Variants in TRIO observed in about 807,000 individuals in gnomAD.
TRIO encodes trio Rho guanine nucleotide exchange factor.
Under a neutral mutation model 351.9 loss-of-function variants are expected in TRIO, and 58 were observed. That is an observed-to-expected ratio of 0.16 (90% CI 0.13 to 0.21). TRIO has a LOEUF of 0.21. TRIO is among the 10% of genes least tolerant of loss of function. The pLI is 1.00. For missense variants in TRIO, 3,201 were observed against 4,027.8 expected (o/e 0.79, Z 5.56); for synonymous variants, 1,758 against 1,595.7 (o/e 1.10, Z -2.42).
At chr5:14,400,382 C>G (rs926142112) in intron 30 of TRIO, among the ~76,000 whole-genome samples, 1 of 151,954 alleles carries the variant, frequency 6.6e-6, no homozygotes, top group Admixed American at 6.6e-5. Flanking sequence ...TCAGGGGGAC[C>G]TTGACTGTGG....
chr5:14,380,461 C>T (rs558494318), intron 20 of TRIO, among the ~76,000 whole-genome samples: 1 of 152,302 alleles, frequency 6.6e-6, no homozygotes, highest in African/African-American at 2.4e-5. Context: ...GGCCATGTCC[C>T]CTTGCCCCTC....
intron 34 of TRIO, among the ~76,000 whole-genome samples, chr5:14,449,760 T>A (rs1013165546): frequency 6.6e-6 from 1 of 152,246 alleles, no homozygotes; most frequent in Non-Finnish European, 1.5e-5. Context: ...TTGGACTCTT[T>A]CTTCATTTAT....
chr5:14,210,013 G>A lies in TRIO; in HGVS notation c.158-60812G>A, dbSNP rs1359100209. Among the ~76,000 whole-genome samples the A allele has an allele frequency of 3.3e-5, 5 of 152,214 alleles. No homozygotes were observed. The East Asian group carries it at 9.6e-4, about 29-fold the overall frequency. On this transcript the variant is annotated intron_variant, in intron 1 of 56. Transcript: ENST00000344204. ...GCATCCAGCTTGCAGCGTGGACCAA[G>A]TGGGGTCCTGGTGCCGTGGGAGCCC...
At chr5:14,243,668 T>G (rs1024322861) in intron 1 of TRIO, among the ~76,000 whole-genome samples, 4 of 152,248 alleles carry the variant, frequency 2.6e-5, no homozygotes, top group Admixed American at 2.6e-4. Flanking sequence ...GTTTTCCTCA[T>G]ACATTTATAA....
chr5:14,397,109 G>T lies in TRIO; in HGVS notation c.4378G>T (p.Val1460Leu). ...AGATGGCCTGGAGGTGATGCTCAGCGTGCCGAAGCGAGCCAATGATGCCAT... is the reference window on the plus strand; with the variant it reads ...AGATGGCCTGGAGGTGATGCTCAGCTTGCCGAAGCGAGCCAATGATGCCAT... ...IKDGLEVMLSVPKRANDAMHL... is the reference protein window; with the variant it reads ...IKDGLEVMLSLPKRANDAMHL... Residue 1460 changes from valine (V) to leucine (L), a missense_variant, in exon 29 of 57, where the codon GTG (valine) becomes TTG (leucine). Around this residue, in one of 19 missense-constraint regions of TRIO, gnomAD observed 115 missense variants for 239.6 expected, o/e 0.48. Coordinates refer to ENST00000344204, the MANE Select transcript of TRIO (RefSeq NM_007118.4). 1 of 1,609,490 alleles carries T rather than the reference G, an allele frequency of 6.2e-7. No homozygotes were observed. The highest frequency in any genetic ancestry group is 8.5e-7 in the Non-Finnish European group (1 of 1,178,768).
intron 27 of TRIO, among the ~76,000 whole-genome samples, 153 bp downstream of exon 27, chr5:14,391,143 A>G (rs1349593057): frequency 6.6e-6 from 1 of 152,158 alleles, no homozygotes; most frequent in African/African-American, 2.4e-5. Flanking sequence ...CTATTGGGCT[A>G]TTCTTCTATT....
intron 1 of TRIO, among the ~76,000 whole-genome samples, chr5:14,165,171 G>T (rs1581257398): frequency 6.6e-6 from 1 of 152,286 alleles, no homozygotes; most frequent in Admixed American, 6.5e-5. Context: ...GAGCAGATTT[G>T]TTATGTGAGA....
intron 33 of TRIO, among the ~76,000 whole-genome samples, chr5:14,415,641 T>G (rs1160986865): frequency 2.0e-5 from 3 of 152,228 alleles, no homozygotes; most frequent in Non-Finnish European, 4.4e-5. Flanking sequence ...TTCACATGCT[T>G]GCAACCAGAG....
intron 11 of TRIO, among the ~76,000 whole-genome samples, chr5:14,354,012 C>A (rs747457252): frequency 6.6e-6 from 1 of 152,224 alleles, no homozygotes; most frequent in Non-Finnish European, 1.5e-5. Context: ...TCCTGTACCA[C>A]GAGTTGGGTC....
chr5:14,258,942 G>A lies in TRIO; in HGVS notation c.158-11883G>A, dbSNP rs559386381. ...GTGGTGGGCTGCAGGGCACTGATGC[G>A]CAGTCCTCTGAGCCTGTGCTGCCTT... On this transcript the variant is annotated intron_variant, in intron 1 of 56. Coordinates refer to ENST00000344204, the MANE Select transcript of TRIO (RefSeq NM_007118.4). 6.6e-5 allele frequency among the ~76,000 whole-genome samples: 10 copies of A among 152,338 alleles called. 1 individual carries two copies. In the South Asian group the frequency reaches 1.7e-3, roughly 25 times the overall value.
At chr5:14,324,057 TG>T (rs1740146014) in intron 9 of TRIO, among the ~76,000 whole-genome samples, 1 of 152,214 alleles carries the variant, frequency 6.6e-6, no homozygotes, top group Non-Finnish European at 1.5e-5. Context: ...AAGCTCAGAA[TG>T]TAATATGTTC....
chr5:14,397,515 C>T (rs1747709872), intron 29 of TRIO, among the ~76,000 whole-genome samples: 1 of 152,292 alleles, frequency 6.6e-6, no homozygotes, highest in East Asian at 1.9e-4. Context: ...TGTTGCTTCC[C>T]CACCTCTGTA....
intron 33 of TRIO, 79 bp from the exon 34 acceptor site, chr5:14,419,699 T>C: frequency 6.4e-7 from 1 of 1,569,864 alleles, no homozygotes; most frequent in Non-Finnish European, 8.7e-7. Context: ...GGAACCCACC[T>C]GGAGGACTTC....
chr5:14,166,315 C>G (rs770198803), intron 1 of TRIO, among the ~76,000 whole-genome samples: 8 of 152,218 alleles, frequency 5.3e-5, no homozygotes, highest in Non-Finnish European at 1.0e-4. Flanking sequence ...TTAGTGGGGT[C>G]TCTTGACACT....
chr5:14,261,034 T>C (rs1795312320), intron 1 of TRIO, among the ~76,000 whole-genome samples: 1 of 152,130 alleles, frequency 6.6e-6, no homozygotes, highest in South Asian at 2.1e-4. Flanking sequence ...CCCTTTTTTG[T>C]TTATCTGTGG....
intron 46 of TRIO, 45 bp from the exon 47 acceptor site, chr5:14,485,024 T>A: frequency 6.7e-7 from 1 of 1,490,062 alleles, no homozygotes; most frequent in Non-Finnish European, 9.0e-7. Context: ...GTTTGCTTCC[T>A]TTCCACCTGT....
intron 1 of TRIO, among the ~76,000 whole-genome samples, chr5:14,214,050 G>A (rs1314576284): frequency 1.3e-5 from 2 of 152,128 alleles, no homozygotes; most frequent in East Asian, 3.8e-4. Flanking sequence ...CCTTGAGAAA[G>A]AGAGCTTCAT....
chr5:14,419,887 A>G lies in TRIO; in HGVS notation c.5069A>G (p.His1690Arg), dbSNP rs56292586. Reference sequence around the variant, plus strand: ...ACCGTGGAAGTTCTGGAGCGGCCGCATGACAAGCCTGACTGGTGTCTGGTG... The same window carrying G: ...ACCGTGGAAGTTCTGGAGCGGCCGCGTGACAAGCCTGACTGGTGTCTGGTG... ...GQTVEVLERP[H>R]DKPDWCLVRT... The change falls in exon 34 of 57, where the codon CAT (histidine) becomes CGT (arginine). Residue 1690 changes from histidine to arginine, a missense_variant. By Grantham distance (29) the His-to-Arg change is conservative. Coordinates refer to ENST00000344204, the MANE Select transcript of TRIO (RefSeq NM_007118.4). The G allele has an allele frequency of 3.0e-5, 48 of 1,614,078 alleles. No homozygotes were observed. Among genetic ancestry groups the G allele is most frequent in the Non-Finnish European group, 3.9e-5 (46 of 1,180,026 alleles).
intron 34 of TRIO, 62 bp from the exon 35 acceptor site, chr5:14,460,957 A>G (rs987345497): frequency 1.2e-5 from 18 of 1,450,956 alleles, no homozygotes; most frequent in Admixed American, 2.6e-5. Flanking sequence ...GGATAATGGC[A>G]TGGTCTTCAC....
Sources: gnomAD v4.1 joint callset for allele counts (sites outside exome capture counted in the v4.1 genomes callset) on GRCh38, gnomAD v4.1.1 for gene constraint, gnomAD v4.1.1 regional missense constraint, MANE v1.5 for transcripts, NCBI Gene and HGNC (gene_info 2026-07-23, HGNC 2026-07-21) for gene names.